TIAM1: variants seen among roughly 807,000 people sequenced by gnomAD.
TIAM1 encodes rho guanine nucleotide exchange factor TIAM1.
A neutral mutation model predicts 163.5 loss-of-function variants in TIAM1; 65 were observed. That is an observed-to-expected ratio of 0.40 (90% CI 0.33 to 0.49). TIAM1 has a LOEUF of 0.49. TIAM1 is among the 20% of genes least tolerant of loss of function. The probability of loss-of-function intolerance (pLI) is 0.77; values close to 1 mark genes in which losing one functional copy is unlikely to be tolerated. For synonymous variants in TIAM1, 833 were observed against 810.1 expected, an observed-to-expected ratio of 1.03 and a Z score of -0.48; for missense variants, 1,789 against 2,044.7, an observed-to-expected ratio of 0.87 and a Z score of 2.41.
chr21:31,162,204 A>T (rs931667076), intron 16 of TIAM1, among the ~76,000 whole-genome samples: 1 of 152,210 alleles, frequency 6.6e-6, no homozygotes, highest in Non-Finnish European at 1.5e-5. Context: ...TCTCTGTTCC[A>T]GTGCCCTCAT....
chr21:31,387,205 T>C (rs763720792), intron 2 of TIAM1, among the ~76,000 whole-genome samples: 17,368 of 138,590 alleles, frequency 0.13, 1,302 homozygotes, highest in Admixed American at 0.22. Context: ...CTTTTTTTTT[T>C]TTTTTTTTTT....
At position 31,130,920 on chromosome 21, in the gene TIAM1, A is replaced by C; in HGVS notation, c.3912T>G (p.Tyr1304Ter). ...FVFKTAVVLV[Y>*]KDGSKQKKKL... The stretch of plus-strand genomic sequence containing the variant: ...TCTTCTTCTGTTTGGAACCATCTTT[A>C]TACACAAGGACCACAGCAGTTTTGA... Residue 1304 changes from tyrosine to a stop codon, truncating the protein, a stop_gained, in exon 24 of 28, where the codon TAT becomes TAG. Coordinates refer to ENST00000541036, the MANE Select transcript of TIAM1 (RefSeq NM_001353694.2). LOFTEE classifies it high-confidence loss of function. 1 of 1,614,098 alleles carries C rather than the reference A, an allele frequency of 6.2e-7. No individual in the cohort carries two copies. Among genetic ancestry groups the C allele is most frequent in the Non-Finnish European group, 8.5e-7 (1 of 1,180,000 alleles).
intron 2 of TIAM1, among the ~76,000 whole-genome samples, chr21:31,359,537 G>A (rs899001560): frequency 6.6e-6 from 1 of 152,120 alleles, no homozygotes; most frequent in African/African-American, 2.4e-5. Context: ...GCTCACGCTT[G>A]TAATCCCAGC....
intron 2 of TIAM1, among the ~76,000 whole-genome samples, chr21:31,407,085 C>T (rs1007138521): frequency 6.6e-6 from 1 of 152,154 alleles, no homozygotes; most frequent in African/African-American, 2.4e-5. Context: ...GAGCTCCGTG[C>T]CATATTGATG....
At chr21:31,288,030 T>C (rs890010349) in intron 2 of TIAM1, among the ~76,000 whole-genome samples, 1 of 152,032 alleles carries the variant, frequency 6.6e-6, no homozygotes, top group African/African-American at 2.4e-5. Flanking sequence ...CAAGGAGGCA[T>C]AGACTTCTCT....
At chr21:31,124,339 T>C (rs1601166019) in intron 27 of TIAM1, 183 bp downstream of exon 27, 8 of 702,188 alleles carry the variant, frequency 1.1e-5, no homozygotes, top group Non-Finnish European at 1.5e-5. Context: ...ACAGGGCGGA[T>C]CCCCAGGAGC....
At chr21:31,459,502 AAAG>A (rs2045243154) in intron 2 of TIAM1, among the ~76,000 whole-genome samples, 1 of 152,258 alleles carries the variant, frequency 6.6e-6, no homozygotes, top group Non-Finnish European at 1.5e-5. Flanking sequence ...AAGATATTCC[AAAG>A]AAGAATTCAC....
At chr21:31,160,465 TAG>T in intron 16 of TIAM1, 1 of 398,652 alleles carries the variant, frequency 2.5e-6, no homozygotes, top group Non-Finnish European at 4.4e-6. Flanking sequence ...GTTCGATACA[TAG>T]AGTCACCGGA....
chr21:31,217,689 C>G lies in TIAM1; in HGVS notation c.2006G>C (p.Arg669Pro). ...VSSFHALVAA[R>P]TGETGVRRRT... ...TCTTCTCACTCCAGTTTCACCAGTG[C>G]GTGCTGCCACCTGAGGATGGCAAGG... is the stretch of plus-strand genomic sequence containing the variant. Residue 669 changes from arginine to proline, a missense_variant, in exon 9 of 28, where the codon CGC becomes CCC. Physicochemically the swap from Arg to Pro is moderately radical, Grantham distance 103 (BLOSUM62 -2). Around this residue, in one of 5 missense-constraint regions of TIAM1, gnomAD observed 456 missense variants for 586.6 expected, o/e 0.78. Coordinates refer to ENST00000541036, the MANE Select transcript of TIAM1 (RefSeq NM_001353694.2). 1 of 1,613,158 alleles carries G rather than the reference C, an allele frequency of 6.2e-7. No individual in the cohort carries two copies. Among genetic ancestry groups the G allele is most frequent in the Non-Finnish European group, 8.5e-7 (1 of 1,179,508 alleles).
chr21:31,466,986 A>C (rs2045558093), intron 1 of TIAM1, among the ~76,000 whole-genome samples: 1 of 152,068 alleles, frequency 6.6e-6, no homozygotes, highest in South Asian at 2.1e-4. Context: ...AAAAAAAAAA[A>C]ACTGAAACTA....
At chr21:31,214,991 T>C (rs1177524791) in intron 9 of TIAM1, among the ~76,000 whole-genome samples, 4 of 152,154 alleles carry the variant, frequency 2.6e-5, no homozygotes, top group Admixed American at 6.6e-5. Flanking sequence ...CTGGTATGTT[T>C]ATGGCTAAGC....
intron 14 of TIAM1, among the ~76,000 whole-genome samples, chr21:31,185,426 T>C (rs920007172): frequency 2.7e-4 from 27 of 100,996 alleles, no homozygotes; most frequent in African/African-American, 1.3e-4. Flanking sequence ...AATTATGTTA[T>C]ATAATTATAT....
chr21:31,469,873 G>C (rs2045676316), intron 1 of TIAM1, among the ~76,000 whole-genome samples: 1 of 151,674 alleles, frequency 6.6e-6, no homozygotes, highest in African/African-American at 2.4e-5. Context: ...TTCTATCTTT[G>C]CCCTCAATGG....
At chr21:31,136,496 A>AG (rs1384886993) in intron 22 of TIAM1, among the ~76,000 whole-genome samples, 1 of 151,980 alleles carries the variant, frequency 6.6e-6, no homozygotes, top group African/African-American at 2.4e-5. Flanking sequence ...TAACGAAAAA[A>AG]AAAATCCTTT....
At chr21:31,225,700 G>A (rs759874274) in intron 7 of TIAM1, 26 bp downstream of exon 7, 10 of 1,580,206 alleles carry the variant, frequency 6.3e-6, no homozygotes, top group Admixed American at 3.4e-5. Context: ...AATTTTGTCC[G>A]GACCTAAACA....
intron 15 of TIAM1, among the ~76,000 whole-genome samples, chr21:31,174,900 C>T (rs1189252841): frequency 6.6e-6 from 1 of 152,192 alleles, no homozygotes; most frequent in Non-Finnish European, 1.5e-5. Flanking sequence ...CCACCCTCAG[C>T]CTCCCAACGT....
chr21:31,277,053 C>T (rs2073329830), intron 2 of TIAM1, 145 bp from the exon 3 acceptor site: 1 of 152,280 alleles, frequency 6.6e-6, no homozygotes, highest in African/African-American at 2.4e-5. Context: ...ACGTTTGAAC[C>T]ACAGCAACTC....
At chr21:31,221,599 A>T (rs183173170) in intron 8 of TIAM1, among the ~76,000 whole-genome samples, 59 of 152,368 alleles carry the variant, frequency 3.9e-4, no homozygotes, top group African/African-American at 1.4e-3. Flanking sequence ...GGCTTTGAAG[A>T]AAATAATGAA....
At chr21:31,321,072 A>G (rs2075295187) in intron 2 of TIAM1, among the ~76,000 whole-genome samples, 1 of 151,590 alleles carries the variant, frequency 6.6e-6, no homozygotes, top group South Asian at 2.1e-4. Flanking sequence ...GGATCACCTG[A>G]GTCCAGGAGT....
Sources: allele counts gnomAD v4.1 joint callset (sites outside exome capture counted in the v4.1 genomes callset), GRCh38; gene constraint gnomAD v4.1.1; regional missense constraint gnomAD v4.1.1; transcripts MANE v1.5; gene names NCBI Gene and HGNC (gene_info 2026-07-23, HGNC 2026-07-21).